The following SYN3 variants were observed in gnomAD, a reference collection of about 807,000 sequenced individuals.
The protein encoded by SYN3 is synapsin III.
SYN3 carries 35 observed loss-of-function variants against 65.8 expected under a neutral mutation model. The observed-to-expected ratio is 0.53, with a 90% CI of 0.41 to 0.70. The LOEUF (loss-of-function observed/expected upper bound fraction) is 0.70, where lower values mean the gene tolerates loss of function less well. Ranked by LOEUF, SYN3 falls within the 30% of genes least tolerant of loss-of-function variation. The pLI is 0.00. For synonymous variants in SYN3, 270 were observed against 292.9 expected (o/e 0.92, Z 0.80); for missense variants, 680 against 749.0 (o/e 0.91, Z 1.08).
chr22:33,039,682 G>A (rs1372335765), intron 1 of SYN3, among the ~76,000 whole-genome samples: 1 of 151,866 alleles, frequency 6.6e-6, no homozygotes, highest in African/African-American at 2.4e-5. Context: ...CTGGGATTAC[G>A]GGCGTGAGCC....
chr22:33,044,570 AACC>A (rs2054024854), intron 1 of SYN3, among the ~76,000 whole-genome samples: 4 of 151,768 alleles, frequency 2.6e-5, no homozygotes, highest in Admixed American at 6.6e-5. Flanking sequence ...GCCATTCTCT[AACC>A]TTATTCCAGA....
At chr22:32,941,171 TATGG>T (rs1420644221) in intron 3 of SYN3, among the ~76,000 whole-genome samples, 4 of 152,238 alleles carry the variant, frequency 2.6e-5, no homozygotes, top group Non-Finnish European at 5.9e-5. Flanking sequence ...AGCTTGTTAG[TATGG>T]TCAGCTGGTT....
intron 4 of SYN3, among the ~76,000 whole-genome samples, chr22:32,904,284 T>C (rs2049842099): frequency 6.6e-6 from 1 of 152,218 alleles, no homozygotes; most frequent in Admixed American, 6.5e-5. Context: ...TACTGCAATA[T>C]GGCTCTGCGA....
chr22:32,808,344 T>A (rs1033896017), intron 6 of SYN3, among the ~76,000 whole-genome samples: 2 of 152,146 alleles, frequency 1.3e-5, no homozygotes, highest in Non-Finnish European at 2.9e-5. Flanking sequence ...TCCCTTCTTG[T>A]TGCCTATGGA....
chr22:32,529,420 G>A (rs940356522), intron 10 of SYN3, among the ~76,000 whole-genome samples: 10 of 152,178 alleles, frequency 6.6e-5, no homozygotes, highest in African/African-American at 2.4e-4. Flanking sequence ...AAAGGTGGGG[G>A]CTTGATCATG....
intron 2 of SYN3, among the ~76,000 whole-genome samples, chr22:32,994,371 C>G (rs1213251739): frequency 6.6e-6 from 1 of 152,008 alleles, no homozygotes; most frequent in African/African-American, 2.4e-5. Context: ...AGTCCAGAGC[C>G]CCTCCAGGTG....
Position 32,779,977 on chromosome 22 carries a change from GC to G in SYN3, c.711+84937del, listed in dbSNP as rs1649754840. Among the ~76,000 whole-genome samples the G allele has an allele frequency of 2.7e-5, 4 of 150,088 alleles. No homozygotes were observed. In the South Asian group the frequency reaches 8.5e-4, roughly 32 times the overall value. On this transcript the variant is annotated intron_variant, in intron 6 of 13. Transcript: ENST00000358763. ...GCATCTGCCTCCAGGCCTTGCCAAG[GC>G]CCACAGAGAAATGGCCTGCCCTAAA... is the stretch of plus-strand genomic sequence containing the variant.
intron 2 of SYN3, among the ~76,000 whole-genome samples, chr22:32,999,891 A>C (rs1049788044): frequency 2.0e-5 from 3 of 152,146 alleles, no homozygotes; most frequent in Admixed American, 6.5e-5. Flanking sequence ...TGTTTCAGAA[A>C]GATGACCCTT....
chr22:32,677,654 A>G (rs915110971), intron 6 of SYN3, among the ~76,000 whole-genome samples: 1 of 152,038 alleles, frequency 6.6e-6, no homozygotes, highest in Non-Finnish European at 1.5e-5. Context: ...AAAAAAAATT[A>G]GCCGGTCGTG....
chr22:32,909,560 C>T (rs1225162893), intron 4 of SYN3, among the ~76,000 whole-genome samples: 2 of 152,256 alleles, frequency 1.3e-5, no homozygotes, highest in South Asian at 2.1e-4. Flanking sequence ...GAATAAACAA[C>T]GTCTTCATCC....
intron 2 of SYN3, among the ~76,000 whole-genome samples, chr22:32,981,672 A>G (rs994686090): frequency 1.3e-5 from 2 of 152,166 alleles, no homozygotes; most frequent in African/African-American, 4.8e-5. Context: ...AGGATCCCAC[A>G]TAAAAAGGTC....
chr22:32,568,115 C>T (rs2058698687), intron 7 of SYN3, among the ~76,000 whole-genome samples: 1 of 152,204 alleles, frequency 6.6e-6, no homozygotes, highest in South Asian at 2.1e-4. Flanking sequence ...ACAGCCAGAC[C>T]TTTGCTCCTA....
At chr22:33,008,734 C>T (rs2053261855) in intron 1 of SYN3, among the ~76,000 whole-genome samples, 1 of 151,694 alleles carries the variant, frequency 6.6e-6, no homozygotes, top group South Asian at 2.1e-4. Flanking sequence ...GCCAACAAGG[C>T]AAAACTCTCT....
At chr22:32,961,200 C>G (rs1296873301) in intron 3 of SYN3, among the ~76,000 whole-genome samples, 1 of 152,202 alleles carries the variant, frequency 6.6e-6, no homozygotes, top group Non-Finnish European at 1.5e-5. Context: ...CCAAAAATGT[C>G]TCCAGGCATT....
At chr22:32,830,271 G>A (rs1167022047) in intron 6 of SYN3, among the ~76,000 whole-genome samples, 1 of 152,154 alleles carries the variant, frequency 6.6e-6, no homozygotes, top group African/African-American at 2.4e-5. Flanking sequence ...TCACTGAGTG[G>A]TTACTTTGCA....
intron 4 of SYN3, among the ~76,000 whole-genome samples, chr22:32,905,665 C>G (rs1383401108): frequency 6.6e-6 from 1 of 152,226 alleles, no homozygotes; most frequent in South Asian, 2.1e-4. Flanking sequence ...TTATCCAAGG[C>G]TCCCACATAG....
intron 3 of SYN3, among the ~76,000 whole-genome samples, chr22:32,976,850 A>G (rs2052205848): frequency 6.6e-6 from 1 of 152,206 alleles, no homozygotes; most frequent in Non-Finnish European, 1.5e-5. Context: ...CGCTCTGTCC[A>G]GCAAAACCCA....
At chr22:32,646,668 G>T (rs556837672) in intron 6 of SYN3, among the ~76,000 whole-genome samples, 3 of 152,174 alleles carry the variant, frequency 2.0e-5, no homozygotes, top group Non-Finnish European at 4.4e-5. Context: ...TCCAGGCCCT[G>T]CAAACTATGA....
intron 6 of SYN3, among the ~76,000 whole-genome samples, chr22:32,737,733 A>C (rs113426843): frequency 2.6e-5 from 4 of 152,260 alleles, no homozygotes; most frequent in African/African-American, 9.6e-5. Context: ...GGTATTAACT[A>C]CCATATCTCC....
Sources: gnomAD v4.1 joint callset for allele counts (sites outside exome capture counted in the v4.1 genomes callset) on GRCh38, gnomAD v4.1.1 for gene constraint, MANE v1.5 for transcripts, NCBI Gene and HGNC (gene_info 2026-07-23, HGNC 2026-07-21) for gene names.